Variants in COL4A6 observed in about 807,000 individuals in gnomAD.
The protein encoded by COL4A6 is collagen alpha-6(IV) chain.
In COL4A6, 59 loss-of-function variants were observed where a neutral mutation model predicts 126.7. The observed-to-expected ratio is 0.47, with a 90% CI of 0.38 to 0.58. The LOEUF (loss-of-function observed/expected upper bound fraction) is 0.58. Among genes scored for constraint, COL4A6 ranks in the 20% least tolerant of loss-of-function variants. The pLI is 0.00. For synonymous variants in COL4A6, 547 were observed against 496.6 expected, an observed-to-expected ratio of 1.10 and a Z score of -1.35; for missense variants, 1,285 against 1,337.3, an observed-to-expected ratio of 0.96 and a Z score of 0.61.
intron 2 of COL4A6, among the ~76,000 whole-genome samples, chrX:108,428,170 T>TA (rs373757078): frequency 0.071 from 7,191 of 100,986 alleles, 585 homozygotes; most frequent in African/African-American, 0.22. Flanking sequence ...GCTAATGAGC[T>TA]AAAAAAAAAA....
intron 2 of COL4A6, among the ~76,000 whole-genome samples, chrX:108,432,207 C>A (rs890713000): frequency 8.9e-6 from 1 of 111,927 alleles, no homozygotes; most frequent in Non-Finnish European, 1.9e-5. Flanking sequence ...TGACCTATTT[C>A]TTTGTGAATA....
At chrX:108,438,712 A>C, upstream of COL4A6, among the ~76,000 whole-genome samples, 1 of 113,114 alleles carries the variant, frequency 8.8e-6, no homozygotes, top group Non-Finnish European at 1.9e-5. Context: ...GTGCCCTTGC[A>C]CACATGCCCA....
intron 3 of COL4A6, among the ~76,000 whole-genome samples, chrX:108,278,725 T>C (rs2037698154): frequency 9.2e-6 from 1 of 108,511 alleles, no homozygotes; most frequent in Admixed American, 9.8e-5. Flanking sequence ...GGAAAAAATG[T>C]TAAGGGCAGC....
intron 3 of COL4A6, among the ~76,000 whole-genome samples, chrX:108,239,515 C>T (rs2036519839): frequency 8.9e-6 from 1 of 111,801 alleles, no homozygotes; most frequent in Admixed American, 9.5e-5. Flanking sequence ...TGGAAGCCAC[C>T]AGCCTGGGAG....
intron 5 of COL4A6, 70 bp from the exon 6 acceptor site, chrX:108,214,298 G>A (rs905272049): frequency 1.1e-5 from 8 of 757,505 alleles, no homozygotes; most frequent in African/African-American, 6.4e-5. Flanking sequence ...GCTCCACAGC[G>A]AGAAAAGCCA....
intron 3 of COL4A6, among the ~76,000 whole-genome samples, chrX:108,234,210 T>C (rs1476575753): frequency 2.7e-5 from 3 of 112,255 alleles, no homozygotes; most frequent in Non-Finnish European, 3.8e-5. Context: ...GGGGTTAACT[T>C]GTCCATGGCC....
intron 40 of COL4A6, among the ~76,000 whole-genome samples, chrX:108,164,189 C>A (rs947853716): frequency 8.9e-6 from 1 of 111,818 alleles, no homozygotes; most frequent in African/African-American, 3.3e-5. Flanking sequence ...GCGAGGTGAA[C>A]AGATGCAAGG....
At chrX:108,295,903 T>C (rs983618880) in intron 3 of COL4A6, among the ~76,000 whole-genome samples, 2 of 112,157 alleles carry the variant, frequency 1.8e-5, no homozygotes, top group Admixed American at 9.4e-5. Context: ...AATCTAGACA[T>C]TCTGTTTTTA....
chrX:108,236,719 C>T (rs2148306731), intron 3 of COL4A6, among the ~76,000 whole-genome samples: 1 of 111,995 alleles, frequency 8.9e-6, no homozygotes, highest in East Asian at 2.8e-4. Context: ...TCCATTTCCT[C>T]TCCTTTCACT....
intron 2 of COL4A6, among the ~76,000 whole-genome samples, chrX:108,324,065 G>A (rs2039094093): frequency 1.8e-5 from 2 of 112,336 alleles, no homozygotes; most frequent in South Asian, 3.7e-4. Flanking sequence ...ATCATTACAA[G>A]TTGAAAACAA....
At chrX:108,305,443 C>T (rs1029040543) in intron 3 of COL4A6, among the ~76,000 whole-genome samples, 7 of 111,317 alleles carry the variant, frequency 6.3e-5, no homozygotes, top group Admixed American at 4.8e-4. Flanking sequence ...TTCTAGAGTT[C>T]GGATTTTATT....
At chrX:108,263,126 C>T (rs2037210068) in intron 3 of COL4A6, among the ~76,000 whole-genome samples, 1 of 110,958 alleles carries the variant, frequency 9.0e-6, no homozygotes, top group Non-Finnish European at 1.9e-5. Flanking sequence ...AGCAGTTCTA[C>T]CATCTAATAT....
Position 108,210,001 on chromosome X carries a change from C to A in COL4A6, c.514G>T (p.Asp172Tyr), listed in dbSNP as rs752125609. 1 of 1,209,024 alleles carries A rather than the reference C, an allele frequency of 8.3e-7. No individual in the cohort carries two copies. Among genetic ancestry groups the A allele is most frequent in the Non-Finnish European group, 1.1e-6 (1 of 893,940 alleles). ...APGSFKGMKG[D>Y]PGLPGLDGIT... Reference sequence around the variant, plus strand: ...CCATCCAGTCCAGGCAGCCCAGGATCCCCCTGAGAAACAAAGGCAGGACAC... The same window carrying A: ...CCATCCAGTCCAGGCAGCCCAGGATACCCCTGAGAAACAAAGGCAGGACAC... Residue 172 changes from aspartate to tyrosine, a missense_variant, in exon 8 of 45, where the codon GAT becomes TAT. Physicochemically the swap from Asp to Tyr is radical, Grantham distance 160. Transcript: ENST00000334504.
Position 108,164,876 on chromosome X carries a change from C to A in COL4A6, c.3970+1G>T. ...CCCAGCAGCCAGCCGAGCAGCCGTA[C>A]CTTTCAGTCCTAGCTCTCCAGGGAG... is the stretch of plus-strand genomic sequence containing the variant. On this transcript the variant is annotated splice_donor_variant, in intron 39 of 44. Transcript: ENST00000334504. LOFTEE classifies it high-confidence loss of function. The A allele has an allele frequency of 8.3e-7, 1 of 1,199,175 alleles. No individual in the cohort carries two copies.
Position 108,174,529 on chromosome X carries a change from C to T in COL4A6, c.3049G>A (p.Gly1017Arg). 8.3e-7 allele frequency: 1 copy of T among 1,210,775 alleles called. No homozygotes were observed. The highest frequency in any genetic ancestry group is 1.1e-6 in the Non-Finnish European group (1 of 894,937). ...CGGATTCCCATGAAGCCAGGGGGCC[C>T]TGGCTTTCCACTAACTCCTTTGATA... Reference protein sequence around the residue: ...GIIKGVSGKPGPPGFMGIRGL... With the variant: ...GIIKGVSGKPRPPGFMGIRGL... The change falls in exon 31 of 45, where the codon GGG (glycine) becomes AGG (arginine). Residue 1017 changes from glycine to arginine, a missense_variant. Physicochemically the swap from Gly to Arg is moderately radical, Grantham distance 125. Transcript: ENST00000334504.
chrX:108,388,297 G>C (rs1053722373), intron 2 of COL4A6, among the ~76,000 whole-genome samples: 2 of 112,083 alleles, frequency 1.8e-5, no homozygotes, highest in Non-Finnish European at 3.8e-5. Context: ...AATGGTACCA[G>C]CTCCTCTTTG....
At chrX:108,175,863 A>T (rs1602730494) in intron 28 of COL4A6, 66 bp from the exon 29 acceptor site, 3 of 978,654 alleles carry the variant, frequency 3.1e-6, no homozygotes, top group East Asian at 6.5e-5. Context: ...AGGCTCAGGG[A>T]GGTTGAGTAA....
intron 3 of COL4A6, among the ~76,000 whole-genome samples, chrX:108,270,993 T>G (rs919421024): frequency 8.9e-6 from 1 of 111,920 alleles, no homozygotes; most frequent in East Asian, 2.8e-4. Flanking sequence ...ATAGTAAGGA[T>G]GGTTTAATGA....
At chrX:108,331,325 C>T (rs2039293281) in intron 2 of COL4A6, among the ~76,000 whole-genome samples, 1 of 111,578 alleles carries the variant, frequency 9.0e-6, no homozygotes, top group African/African-American at 3.3e-5. Context: ...TAGGCGATTT[C>T]GTCACTGTGC....
Sources: gnomAD v4.1 joint callset for allele counts (sites outside exome capture counted in the v4.1 genomes callset) on GRCh38, gnomAD v4.1.1 for gene constraint, MANE v1.5 for transcripts, NCBI Gene and HGNC (gene_info 2026-07-23, HGNC 2026-07-21) for gene names.